Variants in ACVRL1 observed in about 807,000 individuals in gnomAD.
The protein encoded by ACVRL1 is activin A receptor like type 1.
A neutral mutation model predicts 51.9 loss-of-function variants in ACVRL1; 20 were observed. The observed-to-expected ratio is 0.39, with a 90% CI of 0.27 to 0.56. The LOEUF (loss-of-function observed/expected upper bound fraction) is 0.56, where lower values mean the gene tolerates loss of function less well. Among genes scored for constraint, ACVRL1 ranks in the 20% least tolerant of loss-of-function variants. ACVRL1 has a pLI of 0.67. For synonymous variants in ACVRL1, 288 were observed against 280.9 expected, an observed-to-expected ratio of 1.03 and a Z score of -0.25; for missense variants, 451 against 670.3, an observed-to-expected ratio of 0.67 and a Z score of 3.61.
intron 8 of ACVRL1, among the ~76,000 whole-genome samples, chr12:51,916,555 G>A (rs1367737947): frequency 6.6e-6 from 1 of 152,210 alleles, no homozygotes; most frequent in Non-Finnish European, 1.5e-5. Context: ...TAATTCTTTG[G>A]TATGGACAAG....
At chr12:51,914,131 G>A (rs1940768975) in intron 5 of ACVRL1, 58 bp downstream of exon 5, 41 of 1,566,782 alleles carry the variant, frequency 2.6e-5, no homozygotes, top group East Asian at 9.3e-5. Context: ...GCCTGGAGGG[G>A]TGAGGGAGTT....
At chr12:51,908,107 A>G (rs566035231) in intron 1 of ACVRL1, among the ~76,000 whole-genome samples, 1 of 152,268 alleles carries the variant, frequency 6.6e-6, no homozygotes, top group South Asian at 2.1e-4. Context: ...AGCAGAGCTC[A>G]CCTTTCCCAG....
chr12:51,921,358 C>A lies in ACVRL1; in HGVS notation c.*465C>A. On this transcript the variant is annotated 3_prime_UTR_variant, in exon 10 of 10. Transcript: ENST00000388922. ...TTCCCTGCCAGGCCTCAGCCTCTAG[C>A]ATAAGCTCCAGAGAGCCAGGGCCCA... The A allele has an allele frequency of 4.1e-6, 1 of 244,950 alleles. No individual in the cohort carries two copies. Among genetic ancestry groups the A allele is most frequent in the South Asian group, 5.5e-5 (1 of 18,194 alleles). 15.2% of individuals were successfully genotyped at this position (244,950 alleles called of 1,614,324 possible). A position where few individuals can be genotyped will look rare whatever the true frequency, so the allele number is the denominator to read the frequency against.
At chr12:51,918,648 GA>G (rs1445465734) in intron 8 of ACVRL1, among the ~76,000 whole-genome samples, 8 of 152,190 alleles carry the variant, frequency 5.3e-5, no homozygotes, top group Non-Finnish European at 1.0e-4. Flanking sequence ...ACTAGCTGTG[GA>G]ACCTTGGGCC....
Position 51,912,458 on chromosome 12 carries a change from T to C in ACVRL1, c.-5-12T>C. 3 of 1,614,040 alleles carry C rather than the reference T, an allele frequency of 1.9e-6. No individual in the cohort carries two copies. Among genetic ancestry groups the C allele is most frequent in the Non-Finnish European group, 2.5e-6 (3 of 1,179,888 alleles). On this transcript the variant is annotated splice_polypyrimidine_tract_variant and intron_variant, in intron 1 of 9. Transcript: ENST00000388922. The stretch of plus-strand genomic sequence containing the variant: ...ATGGCTCTTACTCCACCTCTCTTGC[T>C]CCTCTCTGCAGGGACCATGACCTTG...
At position 51,922,837 on chromosome 12, in the gene ACVRL1, T is replaced by G. The variant is rs772938395; in HGVS notation, c.*1944T>G. The G allele has an allele frequency of 6.6e-6, 1 of 152,538 alleles. No individual in the cohort carries two copies. The highest frequency in any genetic ancestry group is 1.5e-5 in the Non-Finnish European group (1 of 68,044). 9.4% of individuals were successfully genotyped at this position (152,538 alleles called of 1,614,324 possible). ...GGCATCTTATGTGTGTCTTCCACCATCCTCATGGTGGCACTTTTCTAGGCC... is the reference window on the plus strand; with the variant it reads ...GGCATCTTATGTGTGTCTTCCACCAGCCTCATGGTGGCACTTTTCTAGGCC... On this transcript the variant is annotated 3_prime_UTR_variant, in exon 10 of 10. Coordinates refer to ENST00000388922, the MANE Select transcript of ACVRL1 (RefSeq NM_000020.3).
chr12:51,908,290 C>A (rs887590766), intron 1 of ACVRL1, among the ~76,000 whole-genome samples: 1 of 152,202 alleles, frequency 6.6e-6, no homozygotes, highest in Non-Finnish European at 1.5e-5. Flanking sequence ...TCCATGGAGG[C>A]CAGTGCTGTG....
chr12:51,920,375 G>A (rs952253254), intron 9 of ACVRL1, among the ~76,000 whole-genome samples: 1 of 152,206 alleles, frequency 6.6e-6, no homozygotes, highest in South Asian at 2.1e-4. Context: ...CAAAGGTGGG[G>A]ATGGGGGTAA....
chr12:51,918,987 A>T lies in ACVRL1; in HGVS notation c.1249A>T (p.Ile417Phe), dbSNP rs141653630. The T allele has an allele frequency of 2.2e-4, 350 of 1,614,080 alleles. 1 individual carries two copies. The highest frequency in any genetic ancestry group is 2.6e-4 in the Non-Finnish European group (301 of 1,180,044). Residue 417 changes from isoleucine (I) to phenylalanine (F), a missense_variant and splice_region_variant, in exon 9 of 10, where the codon ATC (isoleucine) becomes TTC (phenylalanine). Physicochemically the swap from Ile to Phe is conservative, Grantham distance 21. Transcript: ENST00000388922. ...TCCTGTCCATTCTCCATTTCCAGGC[A>T]TCGTGGAGGACTATAGACCACCCTT... Reference protein sequence around the residue: ...EIARRTIVNGIVEDYRPPFYD... With the variant: ...EIARRTIVNGFVEDYRPPFYD...
rs1226295278 is a variant in ACVRL1, at chr12:51,913,606, C to T, written c.361C>T (p.Leu121=). 6.2e-7 allele frequency: 1 copy of T among 1,601,816 alleles called. No homozygotes were observed. Among genetic ancestry groups the T allele is most frequent in the Non-Finnish European group, 8.5e-7 (1 of 1,179,898 alleles). The change falls in exon 4 of 10, where the codon CTG becomes TTG. Residue 121 remains leucine (L), a synonymous_variant. Coordinates refer to ENST00000388922, the MANE Select transcript of ACVRL1 (RefSeq NM_000020.3). ...GCCGGGAACAGATGGCCAGCTGGCC[C>T]TGATCCTGGGCCCCGTGCTGGCCTT... is the stretch of plus-strand genomic sequence containing the variant. The part of the protein sequence containing the change: ...EQPGTDGQLA[L]ILGPVLALLA...
Position 51,913,620 on chromosome 12 carries a change from C to T in ACVRL1, c.375C>T (p.Pro125=), listed in dbSNP as rs148975811. 230 of 1,603,158 alleles carry T rather than the reference C, an allele frequency of 1.4e-4. No homozygotes were observed. The highest frequency in any genetic ancestry group is 1.7e-4 in the Non-Finnish European group (206 of 1,179,916). ...TDGQLALILG[P]VLALLALVAL... ...GCCAGCTGGCCCTGATCCTGGGCCC[C>T]GTGCTGGCCTTGCTGGCCCTGGTGG... Residue 125 remains proline (P), a synonymous_variant, in exon 4 of 10, where the codon CCC becomes CCT. Transcript: ENST00000388922.
Position 51,920,942 on chromosome 12 carries a change from G to GGGGGGGGGGC in ACVRL1, c.*52_*53insGGGGGGCGGG. ...TGCCTGCAGGGGGCTGGGGGGGTGG[G>GGGGGGGGGGC]GGGCAGTGGATGGTGCCCTATCTGG... is the stretch of plus-strand genomic sequence containing the variant. On this transcript the variant is annotated 3_prime_UTR_variant, in exon 10 of 10. Transcript: ENST00000388922. 1 of 629,042 alleles carries GGGGGGGGGGC rather than the reference G, an allele frequency of 1.6e-6. No homozygotes were observed. The highest frequency in any genetic ancestry group is 2.9e-6 in the Non-Finnish European group (1 of 341,658). 39.0% of individuals were successfully genotyped at this position (629,042 alleles called of 1,614,324 possible).
chr12:51,909,139 G>A (rs774039988), intron 1 of ACVRL1, among the ~76,000 whole-genome samples: 10 of 152,180 alleles, frequency 6.6e-5, no homozygotes, highest in Admixed American at 2.0e-4. Flanking sequence ...AGCCACTGCC[G>A]TTGATGGGAG....
chr12:51,919,237 G>A (rs1258383278), intron 9 of ACVRL1, 122 bp downstream of exon 9: 6 of 1,470,666 alleles, frequency 4.1e-6, no homozygotes, highest in African/African-American at 1.4e-5. Context: ...TCCTGGTTAG[G>A]GCACCTCTCT....
chr12:51,914,656 C>A, intron 6 of ACVRL1, 71 bp downstream of exon 6: 1 of 1,539,210 alleles, frequency 6.5e-7, no homozygotes, highest in Non-Finnish European at 8.8e-7. Context: ...AGTTTGCAGA[C>A]CTCCAGACAT....
chr12:51,920,227 C>T (rs1940938808), intron 9 of ACVRL1, among the ~76,000 whole-genome samples: 2 of 152,170 alleles, frequency 1.3e-5, no homozygotes, highest in African/African-American at 4.8e-5. Context: ...GCAGTTCCCA[C>T]TTCCACAGTC....
chr12:51,922,877 G>C lies in ACVRL1; in HGVS notation c.*1984G>C, dbSNP rs1941015964. 6.6e-6 allele frequency: 1 copy of C among 152,656 alleles called. No individual in the cohort carries two copies. The highest frequency in any genetic ancestry group is 2.1e-4 in the South Asian group (1 of 4,830). The allele number at this position is 152,656 out of a possible 1,614,324, so 9.5% of individuals were successfully genotyped here. On this transcript the variant is annotated 3_prime_UTR_variant, in exon 10 of 10. Coordinates refer to ENST00000388922, the MANE Select transcript of ACVRL1 (RefSeq NM_000020.3). ...TTTTCTAGGCCTGTCTCCCAGCATT[G>C]TGCAAGGCTCGGAAGAGAACCAGGA...
rs1047150112 is a variant in ACVRL1 at position 51,917,894 on chromosome 12, T to C, written c.1247-1091T>C. Among the ~76,000 whole-genome samples, 1 of 152,226 alleles carries C rather than the reference T, an allele frequency of 6.6e-6. No homozygotes were observed. The highest frequency in any genetic ancestry group is 2.4e-5 in the African/African-American group (1 of 41,546). ...AGCCCCACACGGACTCGCGGCGCATTATAAACACTGTAATCTGGTGTCAGC... is the reference window on the plus strand; with the variant it reads ...AGCCCCACACGGACTCGCGGCGCATCATAAACACTGTAATCTGGTGTCAGC... On this transcript the variant is annotated intron_variant, in intron 8 of 9. Coordinates refer to ENST00000388922, the MANE Select transcript of ACVRL1 (RefSeq NM_000020.3). The surrounding 1 kb of genome is among the most constrained non-coding windows in gnomAD (Gnocchi z 4.2).
chr12:51,909,678 A>T (rs1940654024), intron 1 of ACVRL1, among the ~76,000 whole-genome samples: 1 of 151,908 alleles, frequency 6.6e-6, no homozygotes, highest in South Asian at 2.1e-4. Flanking sequence ...GGAATGATTT[A>T]TTATCAGCAA....
Sources: allele counts gnomAD v4.1 joint callset (sites outside exome capture counted in the v4.1 genomes callset), GRCh38; gene constraint gnomAD v4.1.1; non-coding constraint Gnocchi (gnomAD v3.1); transcripts MANE v1.5; gene names NCBI Gene and HGNC (gene_info 2026-07-23, HGNC 2026-07-21).